KIF2A: variants seen among roughly 807,000 people sequenced by gnomAD.
KIF2A encodes the protein kinesin-like protein KIF2A.
In KIF2A, 22 loss-of-function variants were observed where a neutral mutation model predicts 100.2. The observed-to-expected ratio is 0.22, with a 90% confidence interval of 0.16 to 0.31. KIF2A has a LOEUF of 0.31. Among genes scored for constraint, KIF2A ranks in the 10% least tolerant of loss-of-function variants. The pLI, the probability that KIF2A is intolerant of heterozygous loss-of-function variation, is 1.00. For synonymous variants in KIF2A, 268 were observed against 285.9 expected (o/e 0.94, Z 0.63); for missense variants, 495 against 898.7 (o/e 0.55, Z 5.74).
At chr5:62,372,706 T>A (rs1741377984) in intron 17 of KIF2A, among the ~76,000 whole-genome samples, 155 bp downstream of exon 17, 1 of 152,226 alleles carries the variant, frequency 6.6e-6, no homozygotes, top group Non-Finnish European at 1.5e-5. Context: ...TGATCTGCAT[T>A]CTTACATCTT....
rs1428584443 is a variant in KIF2A at position 62,373,720 on chromosome 5, T to C, written c.1794T>C (p.Ala598=). 3 of 1,613,616 alleles carry C rather than the reference T, an allele frequency of 1.9e-6. No individual in the cohort carries two copies. The highest frequency in any genetic ancestry group is 3.3e-5 in the Admixed American group (2 of 59,994). ...AATTGACTGTAGATCCAACTGCTGC[T>C]GGTGATGTTCGTCCAATAATGCACC... is the stretch of plus-strand genomic sequence containing the variant. ...VKELTVDPTA[A]GDVRPIMHHP... Residue 598 remains alanine (A), a synonymous_variant, in exon 18 of 21, where the codon GCT becomes GCC. Coordinates refer to ENST00000407818, the MANE Select transcript of KIF2A (RefSeq NM_001098511.3).
chr5:62,331,007 A>G (rs1226717938), intron 1 of KIF2A, among the ~76,000 whole-genome samples: 1 of 152,252 alleles, frequency 6.6e-6, no homozygotes, highest in Non-Finnish European at 1.5e-5. Flanking sequence ...GATTTAAACA[A>G]CTTCAATGGA....
At chr5:62,339,229 CTT>C (rs1409391658) in intron 1 of KIF2A, among the ~76,000 whole-genome samples, 1 of 152,036 alleles carries the variant, frequency 6.6e-6, no homozygotes, top group African/African-American at 2.4e-5. Flanking sequence ...ATGCCACACA[CTT>C]TTAAACAGCC....
At chr5:62,352,090 T>C (rs1580061989) in intron 4 of KIF2A, among the ~76,000 whole-genome samples, 1 of 146,754 alleles carries the variant, frequency 6.8e-6, no homozygotes, top group Non-Finnish European at 1.5e-5. Flanking sequence ...GAGGCGGAGG[T>C]CACAGTGAGC....
intron 4 of KIF2A, among the ~76,000 whole-genome samples, 165 bp downstream of exon 4, chr5:62,350,285 G>T (rs550226055): frequency 1.7e-3 from 244 of 146,652 alleles, no homozygotes; most frequent in Admixed American, 2.4e-3. Context: ...TTGTTTTTTG[G>T]TTTTTTTTTT....
At chr5:62,315,249 CAA>C (rs765995590) in intron 1 of KIF2A, among the ~76,000 whole-genome samples, 1,416 of 66,516 alleles carry the variant, frequency 0.021, 26 homozygotes, top group African/African-American at 0.071. Flanking sequence ...AAAAACAGAC[CAA>C]AAAAAAAAAA....
chr5:62,343,357 C>T (rs1580050286), intron 1 of KIF2A, among the ~76,000 whole-genome samples: 2 of 152,182 alleles, frequency 1.3e-5, no homozygotes, highest in East Asian at 3.9e-4. Flanking sequence ...TACTCAGTTG[C>T]TTTTACATCT....
intron 1 of KIF2A, among the ~76,000 whole-genome samples, chr5:62,336,014 T>TG (rs1289270840): frequency 6.6e-6 from 1 of 152,192 alleles, no homozygotes; most frequent in Non-Finnish European, 1.5e-5. Context: ...GACTTAAAGA[T>TG]GGATTGAGGC....
At chr5:62,382,783 G>A (rs116617076) in intron 20 of KIF2A, among the ~76,000 whole-genome samples, 7 of 151,644 alleles carry the variant, frequency 4.6e-5, no homozygotes, top group South Asian at 2.1e-4. Context: ...ACAGGCACGC[G>A]CCACAATGCA....
chr5:62,376,711 A>G (rs1213940563), intron 18 of KIF2A, among the ~76,000 whole-genome samples: 1 of 151,778 alleles, frequency 6.6e-6, no homozygotes, highest in Non-Finnish European at 1.5e-5. Context: ...GTGAGCCACC[A>G]CACCCAGCCG....
chr5:62,321,617 C>CA (rs1159335145), intron 1 of KIF2A, among the ~76,000 whole-genome samples: 1 of 152,152 alleles, frequency 6.6e-6, no homozygotes, highest in Non-Finnish European at 1.5e-5. Flanking sequence ...GACTGGAGTG[C>CA]AATGGTGTGA....
Position 62,348,179 on chromosome 5 carries a change from A to C in KIF2A, c.279+12A>C, listed in dbSNP as rs1747671843. 3.1e-6 allele frequency: 5 copies of C among 1,613,232 alleles called. No individual in the cohort carries two copies. The East Asian group carries it at 1.1e-4, about 36-fold the overall frequency. On this transcript the variant is annotated intron_variant, in intron 3 of 20. Coordinates refer to ENST00000407818, the MANE Select transcript of KIF2A (RefSeq NM_001098511.3). ...ACAAAATTGTAAAGGTTAGTGATGA[A>C]AATTCAGAGTGCAGGACACTGGGAG...
intron 1 of KIF2A, among the ~76,000 whole-genome samples, chr5:62,334,880 G>C (rs1435436567): frequency 6.6e-6 from 1 of 152,120 alleles, no homozygotes; most frequent in East Asian, 1.9e-4. Context: ...CAGGCAATTG[G>C]ATTATGGAAT....
chr5:62,363,989 C>T lies in KIF2A; in HGVS notation c.1467+90C>T, dbSNP rs890985718. On this transcript the variant is annotated intron_variant, in intron 14 of 20. Transcript: ENST00000407818. ...TGCAAAATAGTAGTACTTGTTTTAC[C>T]TAATAAAAAGAGGTTTTCAAAATTC... 3 of 1,008,674 alleles carry T rather than the reference C, an allele frequency of 3.0e-6. No individual in the cohort carries two copies. Among genetic ancestry groups the T allele is most frequent in the Non-Finnish European group, 4.4e-6 (3 of 687,464 alleles). 62.5% of individuals were successfully genotyped at this position (1,008,674 alleles called of 1,614,324 possible).
At chr5:62,326,014 T>C (rs1264063446) in intron 1 of KIF2A, among the ~76,000 whole-genome samples, 2 of 152,256 alleles carry the variant, frequency 1.3e-5, no homozygotes, top group Non-Finnish European at 1.5e-5. Flanking sequence ...AAACTAGCTG[T>C]TGGGTACTCT....
Position 62,357,710 on chromosome 5 carries a change from G to A in KIF2A, c.674G>A (p.Cys225Tyr). 4.6e-6 allele frequency: 7 copies of A among 1,533,168 alleles called. No individual in the cohort carries two copies. The highest frequency in any genetic ancestry group is 1.7e-5 in the Admixed American group (1 of 58,146). The allele number at this position is 1,533,168 out of a possible 1,614,324, so 95.0% of individuals were successfully genotyped here. Reference protein sequence around the residue: ...TADPIDEHRICVCVRKRPLNK... With the variant: ...TADPIDEHRIYVCVRKRPLNK... ...TTCTAGATTGATGAACATAGGATAT[G>A]TGTGTGTGTAAGAAAACGACCACTC... Residue 225 changes from cysteine (C) to tyrosine (Y), a missense_variant, in exon 8 of 21, where the codon TGT becomes TAT. Cys to Tyr is a radical substitution (Grantham distance 194). Transcript: ENST00000407818.
chr5:62,336,094 C>A (rs1182310987), intron 1 of KIF2A, among the ~76,000 whole-genome samples: 1 of 151,978 alleles, frequency 6.6e-6, no homozygotes, highest in Admixed American at 6.5e-5. Context: ...TAAGAGGAAA[C>A]CAAAAAGGCA....
At chr5:62,311,915 T>A (rs1253208005) in intron 1 of KIF2A, 7 of 152,188 alleles carry the variant, frequency 4.6e-5, no homozygotes, top group Non-Finnish European at 1.0e-4. Context: ...GATTATTGGT[T>A]TATAGGTGAA....
intron 7 of KIF2A, among the ~76,000 whole-genome samples, chr5:62,355,884 C>A (rs994816715): frequency 1.3e-5 from 2 of 151,062 alleles, no homozygotes; most frequent in South Asian, 4.2e-4. Flanking sequence ...CCAGTTCAAG[C>A]GATTCTCCTG....
Sources: gnomAD v4.1 joint callset for allele counts (sites outside exome capture counted in the v4.1 genomes callset) on GRCh38, gnomAD v4.1.1 for gene constraint, MANE v1.5 for transcripts, NCBI Gene and HGNC (gene_info 2026-07-23, HGNC 2026-07-21) for gene names.